CADPS: variants seen among roughly 807,000 people sequenced by gnomAD.
The protein encoded by CADPS is calcium dependent secretion activator, also known as calcium-dependent secretion activator 1.
CADPS carries 57 observed loss-of-function variants against 167.3 expected under a neutral mutation model. The observed-to-expected ratio is 0.34, with a 90% confidence interval of 0.28 to 0.42. CADPS has a LOEUF of 0.42. CADPS is among the 20% of genes least tolerant of loss of function. The pLI, the probability that CADPS is intolerant of heterozygous loss-of-function variation, is 1.00. For synonymous variants in CADPS, 676 were observed against 635.3 expected (o/e 1.06, Z -0.96); for missense variants, 1,414 against 1,738.1 (o/e 0.81, Z 3.32).
chr3:62,857,760 A>G (rs2079989479), intron 1 of CADPS, among the ~76,000 whole-genome samples: 1 of 151,872 alleles, frequency 6.6e-6, no homozygotes, highest in African/African-American at 2.4e-5. Flanking sequence ...TAAAATTTTT[A>G]TTTTATGTAT....
intron 1 of CADPS, among the ~76,000 whole-genome samples, chr3:62,823,276 A>G (rs1381177784): frequency 6.6e-6 from 1 of 152,184 alleles, no homozygotes; most frequent in African/African-American, 2.4e-5. Flanking sequence ...CTAAATGGAT[A>G]AACAGCCTCC....
chr3:62,828,574 T>C (rs1342183988), intron 1 of CADPS, among the ~76,000 whole-genome samples: 1 of 152,136 alleles, frequency 6.6e-6, no homozygotes, highest in African/African-American at 2.4e-5. Flanking sequence ...GGGTTATGCC[T>C]AGGTTTATCT....
At chr3:62,599,911 TA>T (rs1209038505) in intron 6 of CADPS, among the ~76,000 whole-genome samples, 6 of 94,816 alleles carry the variant, frequency 6.3e-5, no homozygotes, top group Non-Finnish European at 1.2e-4. Flanking sequence ...ATATTATATA[TA>T]ATATACAATA....
intron 11 of CADPS, among the ~76,000 whole-genome samples, chr3:62,542,268 TA>T (rs2152111744): frequency 6.6e-6 from 1 of 152,286 alleles, no homozygotes; most frequent in African/African-American, 2.4e-5. Context: ...AATGCAACTC[TA>T]AAGTCATCTG....
chr3:62,766,653 G>C (rs1262528114), intron 1 of CADPS, among the ~76,000 whole-genome samples: 1 of 152,086 alleles, frequency 6.6e-6, no homozygotes, highest in Non-Finnish European at 1.5e-5. Flanking sequence ...TAGAGAATTT[G>C]GGTACTAGGT....
chr3:62,650,659 C>T (rs565566399), intron 5 of CADPS, among the ~76,000 whole-genome samples, 188 bp downstream of exon 5: 2 of 152,244 alleles, frequency 1.3e-5, no homozygotes, highest in East Asian at 3.9e-4. Context: ...ATTGCATTTC[C>T]TTAAGAAAAA....
intron 13 of CADPS, among the ~76,000 whole-genome samples, chr3:62,526,938 T>A (rs2072391098): frequency 6.6e-6 from 1 of 152,134 alleles, no homozygotes; most frequent in South Asian, 2.1e-4. Context: ...GGCAGCCTAG[T>A]TTGACAACCA....
intron 3 of CADPS, among the ~76,000 whole-genome samples, chr3:62,734,035 G>T (rs1029532712): frequency 6.6e-6 from 1 of 152,142 alleles, no homozygotes; most frequent in Non-Finnish European, 1.5e-5. Flanking sequence ...TCTACTTGTT[G>T]GTTGATGGAC....
At chr3:62,594,061 G>C (rs913632542) in intron 6 of CADPS, among the ~76,000 whole-genome samples, 1 of 152,068 alleles carries the variant, frequency 6.6e-6, no homozygotes, top group African/African-American at 2.4e-5. Flanking sequence ...TTCATTTAGA[G>C]AACTTTTTCA....
At chr3:62,666,229 C>T (rs1488046058) in intron 3 of CADPS, among the ~76,000 whole-genome samples, 1 of 152,186 alleles carries the variant, frequency 6.6e-6, no homozygotes, top group Admixed American at 6.5e-5. Context: ...AAGGCGGCCA[C>T]TGCTGCCTGA....
intron 1 of CADPS, among the ~76,000 whole-genome samples, chr3:62,868,655 C>G (rs2082125921): frequency 6.6e-6 from 1 of 152,090 alleles, no homozygotes. Context: ...TGTCTTATAA[C>G]CTTTTGAAAT....
At chr3:62,650,093 G>C (rs899560347) in intron 5 of CADPS, among the ~76,000 whole-genome samples, 1 of 152,122 alleles carries the variant, frequency 6.6e-6, no homozygotes, top group Non-Finnish European at 1.5e-5. Flanking sequence ...TTGGGTATCT[G>C]ACAGTGGAGT....
intron 1 of CADPS, among the ~76,000 whole-genome samples, chr3:62,845,056 C>A (rs1009502003): frequency 6.6e-6 from 1 of 152,166 alleles, no homozygotes; most frequent in Non-Finnish European, 1.5e-5. Context: ...TTAGCTCTAC[C>A]TTTAGCTCCA....
intron 3 of CADPS, among the ~76,000 whole-genome samples, chr3:62,699,530 A>G (rs1170185730): frequency 6.6e-6 from 1 of 152,062 alleles, no homozygotes; most frequent in East Asian, 1.9e-4. Context: ...TTGTTCATCA[A>G]TGTGCCCCTG....
intron 26 of CADPS, among the ~76,000 whole-genome samples, chr3:62,457,699 T>C (rs1021503871): frequency 1.3e-5 from 2 of 152,094 alleles, no homozygotes; most frequent in Non-Finnish European, 2.9e-5. Context: ...TGTCCATCAA[T>C]GATAGAGTGG....
intron 17 of CADPS, among the ~76,000 whole-genome samples, chr3:62,510,858 C>T (rs1419076269): frequency 6.6e-6 from 1 of 152,046 alleles, no homozygotes; most frequent in Non-Finnish European, 1.5e-5. Flanking sequence ...AAAGAAAAAA[C>T]ATTTAAAGGC....
At chr3:62,436,854 T>C (rs917820929) in intron 28 of CADPS, among the ~76,000 whole-genome samples, 2 of 150,560 alleles carry the variant, frequency 1.3e-5, no homozygotes, top group African/African-American at 4.9e-5. Flanking sequence ...AAGGGGACGA[T>C]TGGAAAAGAA....
At chr3:62,605,053 T>C (rs991939048) in intron 6 of CADPS, among the ~76,000 whole-genome samples, 1 of 152,228 alleles carries the variant, frequency 6.6e-6, no homozygotes. Flanking sequence ...CTCTGGCTAA[T>C]TGTGTCTTTG....
chr3:62,587,034 G>T (rs1262597703), intron 7 of CADPS, among the ~76,000 whole-genome samples: 1 of 152,084 alleles, frequency 6.6e-6, no homozygotes, highest in African/African-American at 2.4e-5. Context: ...GTCATGTCTT[G>T]ACTGACATCT....
Sources: allele counts gnomAD v4.1 joint callset (sites outside exome capture counted in the v4.1 genomes callset), GRCh38; gene constraint gnomAD v4.1.1; transcripts MANE v1.5; gene names NCBI Gene and HGNC (gene_info 2026-07-23, HGNC 2026-07-21).